Variants in PRSS48 observed in about 807,000 individuals in gnomAD.
PRSS48 encodes epidermis-specific serine protease-like protein.
Under a neutral mutation model 25.6 loss-of-function variants are expected in PRSS48, and 21 were observed. The ratio of observed to expected loss-of-function variants is 0.82; its 90% CI spans 0.58 to 1.18. The LOEUF (loss-of-function observed/expected upper bound fraction) is 1.18, where lower values mean the gene tolerates loss of function less well. Ranked by LOEUF, PRSS48 falls within the 50% of genes most tolerant of loss-of-function variation. The probability of loss-of-function intolerance (pLI) is 0.00; values close to 1 mark genes in which losing one functional copy is unlikely to be tolerated. For synonymous variants in PRSS48, 150 were observed against 149.3 expected, an observed-to-expected ratio of 1.00 and a Z score of -0.04; for missense variants, 373 against 399.3, an observed-to-expected ratio of 0.93 and a Z score of 0.56.
chr4:151,287,744 A>G (rs940968722), intron 4 of PRSS48, among the ~76,000 whole-genome samples: 4 of 152,134 alleles, frequency 2.6e-5, no homozygotes, highest in African/African-American at 9.7e-5. Flanking sequence ...AATATTTTAA[A>G]TATTAGCCAC....
At chr4:151,287,439 A>G (rs1263331257) in intron 4 of PRSS48, among the ~76,000 whole-genome samples, 2 of 152,156 alleles carry the variant, frequency 1.3e-5, no homozygotes, top group African/African-American at 2.4e-5. Context: ...AGGAAGCTAT[A>G]GACCAGTATC....
intron 2 of PRSS48, among the ~76,000 whole-genome samples, chr4:151,280,760 A>T (rs949904206): frequency 6.6e-6 from 1 of 152,050 alleles, no homozygotes; most frequent in African/African-American, 2.4e-5. Context: ...CACACATTCC[A>T]GCCTGGGCGA....
chr4:151,290,187 C>T (rs1486552399), intron 4 of PRSS48, among the ~76,000 whole-genome samples: 1 of 152,196 alleles, frequency 6.6e-6, no homozygotes, highest in Non-Finnish European at 1.5e-5. Flanking sequence ...TGGCCTGATC[C>T]TCCTGCCTTG....
chr4:151,279,762 G>C lies in PRSS48; in HGVS notation c.53-34G>C, dbSNP rs536977448. Reference sequence around the variant, plus strand: ...GGGGACCAGAGAAACAGGACTCCTAGGTTTCCACATTTCCCTTTCTTCTCT... The same window carrying C: ...GGGGACCAGAGAAACAGGACTCCTACGTTTCCACATTTCCCTTTCTTCTCT... On this transcript the variant is annotated intron_variant, in intron 1 of 4. Transcript: ENST00000455694. 8.9e-5 allele frequency: 143 copies of C among 1,607,966 alleles called. No individual in the cohort carries two copies. The South Asian group carries it at 1.6e-3, about 17-fold the overall frequency.
intron 4 of PRSS48, among the ~76,000 whole-genome samples, chr4:151,287,736 T>C (rs1287587860): frequency 1.3e-5 from 2 of 152,054 alleles, no homozygotes; most frequent in African/African-American, 4.8e-5. Flanking sequence ...TTCTACAAAA[T>C]ATTTTAAATA....
chr4:151,279,735 G>T, intron 1 of PRSS48, 61 bp from the exon 2 acceptor site: 2 of 1,501,426 alleles, frequency 1.3e-6, no homozygotes, highest in Non-Finnish European at 1.8e-6. Flanking sequence ...TGATGATAAG[G>T]TGGGGACCAG....
chr4:151,278,279 T>C (rs570087728), intron 1 of PRSS48, among the ~76,000 whole-genome samples: 70 of 152,204 alleles, frequency 4.6e-4, no homozygotes, highest in Admixed American at 7.2e-4. Flanking sequence ...AGAGCATTTT[T>C]TTTTTAAGAG....
chr4:151,282,034 T>C, intron 2 of PRSS48, 114 bp from the exon 3 acceptor site: 1 of 1,058,998 alleles, frequency 9.4e-7, no homozygotes, highest in Non-Finnish European at 1.4e-6. Flanking sequence ...AGCACCATGG[T>C]TAATTCCCAG....
chr4:151,283,896 G>A (rs1045323931), intron 4 of PRSS48, among the ~76,000 whole-genome samples: 10 of 152,040 alleles, frequency 6.6e-5, no homozygotes, highest in Admixed American at 1.3e-4. Flanking sequence ...AAAAGATGTC[G>A]TTCTATTGTC....
chr4:151,289,524 TAAA>T (rs1045386638), intron 4 of PRSS48, among the ~76,000 whole-genome samples: 1 of 152,184 alleles, frequency 6.6e-6, no homozygotes, highest in Non-Finnish European at 1.5e-5. Flanking sequence ...AACTCGATCA[TAAA>T]AAGAGCACAG....
At chr4:151,279,882 T>C in exon 2 of PRSS48, 1 of 1,613,916 alleles carries the variant, frequency 6.2e-7, no homozygotes, top group Non-Finnish European at 8.5e-7. Context: ...CAGCCTACAC[T>C]TTGACCACAA....
At chr4:151,284,331 T>C (rs1712608525) in intron 4 of PRSS48, among the ~76,000 whole-genome samples, 1 of 152,226 alleles carries the variant, frequency 6.6e-6, no homozygotes, top group African/African-American at 2.4e-5. Flanking sequence ...TGCCTCTTTC[T>C]GCTGTCATTT....
At chr4:151,277,982 A>G (rs1773808858) in intron 1 of PRSS48, among the ~76,000 whole-genome samples, 1 of 152,200 alleles carries the variant, frequency 6.6e-6, no homozygotes, top group Admixed American at 6.5e-5. Flanking sequence ...TGGAGGTTGC[A>G]GTAAGCCGAG....
At chr4:151,281,525 G>C (rs1774235448) in intron 2 of PRSS48, among the ~76,000 whole-genome samples, 1 of 152,026 alleles carries the variant, frequency 6.6e-6, no homozygotes, top group Admixed American at 6.6e-5. Context: ...TAGGAACTCA[G>C]GATTCTAAAA....
At chr4:151,291,660 C>T (rs1186558020), downstream of PRSS48, among the ~76,000 whole-genome samples, 1 of 152,106 alleles carries the variant, frequency 6.6e-6, no homozygotes, top group African/African-American at 2.4e-5. Context: ...TTTGTAGACA[C>T]AAATTAAATA....
exon 3 of PRSS48, chr4:151,282,344 G>A: frequency 3.7e-6 from 6 of 1,613,900 alleles, no homozygotes; most frequent in Non-Finnish European, 5.1e-6. Context: ...CTTGCCCAGT[G>A]TCACAAAGCA....
At chr4:151,283,348 T>C in intron 4 of PRSS48, 62 bp downstream of exon 4, 1 of 1,510,804 alleles carries the variant, frequency 6.6e-7, no homozygotes, top group South Asian at 1.2e-5. Context: ...ATCCAGGTTT[T>C]CCTATCTGTA....
At chr4:151,284,450 T>C (rs1263852278) in intron 4 of PRSS48, among the ~76,000 whole-genome samples, 3 of 152,208 alleles carry the variant, frequency 2.0e-5, no homozygotes, top group African/African-American at 7.2e-5. Context: ...ACTTTCTACA[T>C]CTCTGCCAAG....
chr4:151,291,427 T>A, exon 5 of PRSS48: 1 of 1,612,836 alleles, frequency 6.2e-7, no homozygotes, highest in Non-Finnish European at 8.5e-7. Context: ...AGAGAATGCA[T>A]GGAGATTTAG....
Sources: allele counts gnomAD v4.1 joint callset (sites outside exome capture counted in the v4.1 genomes callset), GRCh38; gene constraint gnomAD v4.1.1; transcripts MANE v1.5; gene names NCBI Gene and HGNC (gene_info 2026-07-23, HGNC 2026-07-21).